Variants in RUFY4 observed in about 807,000 individuals in gnomAD.
The protein encoded by RUFY4 is RUN and FYVE domain containing 4.
In RUFY4, 73 loss-of-function variants were observed where a neutral mutation model predicts 69.0. The observed-to-expected ratio is 1.06, with a 90% CI of 0.88 to 1.29. The LOEUF (loss-of-function observed/expected upper bound fraction) is 1.29. Among genes scored for constraint, RUFY4 ranks in the 50% most tolerant of loss-of-function variants. RUFY4 has a pLI of 0.00. For missense variants in RUFY4, 770 were observed against 705.6 expected (o/e 1.09, Z -1.03); for synonymous variants, 287 against 271.8 (o/e 1.06, Z -0.55).
chr2:218,062,731 C>T (rs948784598), intron 3 of RUFY4, among the ~76,000 whole-genome samples: 7 of 152,086 alleles, frequency 4.6e-5, no homozygotes, highest in Admixed American at 4.6e-4. Context: ...AATAACATAA[C>T]ATAAAATAAA....
intron 9 of RUFY4, among the ~76,000 whole-genome samples, chr2:218,087,900 G>T (rs1337885272): frequency 6.6e-6 from 1 of 152,136 alleles, no homozygotes; most frequent in South Asian, 2.1e-4. Flanking sequence ...TGTTAGGAGG[G>T]TGAGTTAGTG....
At chr2:218,050,713 A>G (rs1326547928) in intron 2 of RUFY4, among the ~76,000 whole-genome samples, 1 of 152,208 alleles carries the variant, frequency 6.6e-6, no homozygotes. Flanking sequence ...TGTCTCTGCT[A>G]GATGTTTTAA....
At chr2:218,090,117 C>A (rs1399434499) in exon 11 of RUFY4, 13 of 1,006,732 alleles carry the variant, frequency 1.3e-5, no homozygotes, top group Non-Finnish European at 1.9e-5. Flanking sequence ...TCAATCCACT[C>A]CCTGCCCGTA....
intron 2 of RUFY4, among the ~76,000 whole-genome samples, chr2:218,044,628 T>G (rs1380914556): frequency 6.6e-6 from 1 of 152,206 alleles, no homozygotes; most frequent in Non-Finnish European, 1.5e-5. Flanking sequence ...CAGTGTGTGT[T>G]GTTCCTCTCT....
upstream of RUFY4, chr2:218,070,491 C>T (rs1689460004): frequency 3.3e-6 from 3 of 905,626 alleles, no homozygotes; most frequent in Admixed American, 2.0e-5. Context: ...AGTCACTTTC[C>T]CTCTGTAGGC....
upstream of RUFY4, chr2:218,070,383 C>T (rs1689456020): frequency 1.7e-6 from 1 of 605,550 alleles, no homozygotes; most frequent in Non-Finnish European, 3.0e-6. Flanking sequence ...AGGGACTGCT[C>T]AATCGGTGGA....
chr2:218,068,215 T>C (rs879774847), upstream of RUFY4, among the ~76,000 whole-genome samples: 2,192 of 26,268 alleles, frequency 0.083, 5 homozygotes, highest in South Asian at 0.12. Flanking sequence ...GGCTGGAGGA[T>C]GGCAGGGGGT....
chr2:218,059,323 A>G (rs1689130829), intron 3 of RUFY4: 1 of 160,068 alleles, frequency 6.2e-6, no homozygotes, highest in Non-Finnish European at 1.5e-5. Flanking sequence ...TAGTGGCATT[A>G]AGTACTCAGA....
chr2:218,087,302 A>G (rs1359872051), intron 9 of RUFY4, among the ~76,000 whole-genome samples: 1 of 152,100 alleles, frequency 6.6e-6, no homozygotes, highest in Non-Finnish European at 1.5e-5. Flanking sequence ...TAAGGAACTA[A>G]AGTTTTTATT....
chr2:218,074,430 AGT>A (rs1408726241), intron 6 of RUFY4, among the ~76,000 whole-genome samples: 2 of 152,132 alleles, frequency 1.3e-5, no homozygotes, highest in Non-Finnish European at 2.9e-5. Context: ...CCCGCATGAC[AGT>A]GTGTGGTCAC....
intron 8 of RUFY4, among the ~76,000 whole-genome samples, chr2:218,080,193 C>T (rs189840687): frequency 3.6e-4 from 55 of 152,244 alleles, no homozygotes; most frequent in African/African-American, 1.3e-3. Context: ...GAGTGAGGCA[C>T]CGGAATTCTC....
intron 8 of RUFY4, among the ~76,000 whole-genome samples, chr2:218,078,358 G>A (rs532765807): frequency 4.6e-5 from 7 of 152,236 alleles, no homozygotes; most frequent in South Asian, 2.1e-4. Context: ...TTGACTATTC[G>A]GTAGAATGTT....
At chr2:218,061,090 A>C in intron 3 of RUFY4, 1 of 577,160 alleles carries the variant, frequency 1.7e-6, no homozygotes, top group East Asian at 4.0e-5. Flanking sequence ...AAATCCAGCC[A>C]TTCATCTTGG....
chr2:218,063,120 T>C (rs1175053298), intron 3 of RUFY4, among the ~76,000 whole-genome samples: 1 of 152,202 alleles, frequency 6.6e-6, no homozygotes, highest in African/African-American at 2.4e-5. Flanking sequence ...AAAAATGTTA[T>C]CCCAGTTTCT....
chr2:218,076,735 G>C (rs114918221), intron 8 of RUFY4, among the ~76,000 whole-genome samples: 4 of 152,164 alleles, frequency 2.6e-5, no homozygotes, highest in Middle Eastern at 3.4e-3. Flanking sequence ...TCCCTTTCTC[G>C]TAGGTCTCCC....
intron 8 of RUFY4, 28 bp from the exon 11 acceptor site, chr2:218,083,082 G>A (rs757252742): frequency 2.5e-6 from 4 of 1,611,482 alleles, no homozygotes; most frequent in Non-Finnish European, 3.4e-6. Flanking sequence ...TTTGCCCCCT[G>A]AGAACCTAGT....
At chr2:218,078,023 T>C (rs1689676300) in intron 8 of RUFY4, among the ~76,000 whole-genome samples, 1 of 152,094 alleles carries the variant, frequency 6.6e-6, no homozygotes, top group Non-Finnish European at 1.5e-5. Context: ...CACTCATCAT[T>C]CAGTCATTCC....
At chr2:218,036,625 C>A (rs1242694196) in intron 2 of RUFY4, among the ~76,000 whole-genome samples, 1 of 152,206 alleles carries the variant, frequency 6.6e-6, no homozygotes, top group Non-Finnish European at 1.5e-5. Flanking sequence ...TCAAGTTACC[C>A]ACAGAAGCTA....
chr2:218,085,387 A>G (rs1342906201), intron 9 of RUFY4, among the ~76,000 whole-genome samples: 2 of 152,210 alleles, frequency 1.3e-5, no homozygotes, highest in Non-Finnish European at 2.9e-5. Flanking sequence ...ATAGCCACCA[A>G]GGTTGACTTC....
Sources: gnomAD v4.1 joint callset for allele counts (sites outside exome capture counted in the v4.1 genomes callset) on GRCh38, gnomAD v4.1.1 for gene constraint, MANE v1.5 for transcripts, NCBI Gene and HGNC (gene_info 2026-07-23, HGNC 2026-07-21) for gene names.